The following ROR2 variants were observed in gnomAD, a reference collection of about 807,000 sequenced individuals.
ROR2 encodes the protein tyrosine-protein kinase transmembrane receptor ROR2.
Under a neutral mutation model 74.9 loss-of-function variants are expected in ROR2, and 33 were observed. The observed-to-expected ratio is 0.44, with a 90% CI of 0.33 to 0.59. ROR2 has a LOEUF of 0.59. Ranked by LOEUF, ROR2 falls within the 20% of genes least tolerant of loss-of-function variation. The pLI, the probability that ROR2 is intolerant of heterozygous loss-of-function variation, is 0.02. For missense variants in ROR2, 1,216 were observed against 1,313.8 expected, an observed-to-expected ratio of 0.93 and a Z score of 1.15; for synonymous variants, 586 against 558.7, an observed-to-expected ratio of 1.05 and a Z score of -0.69.
chr9:91,841,817 G>C (rs1439710498), intron 1 of ROR2, among the ~76,000 whole-genome samples: 1 of 152,192 alleles, frequency 6.6e-6, no homozygotes, highest in African/African-American at 2.4e-5. Flanking sequence ...CCTCTTCTTA[G>C]ACTGTTTCTT....
chr9:91,800,592 C>T (rs1398619065), intron 1 of ROR2, among the ~76,000 whole-genome samples: 1 of 152,128 alleles, frequency 6.6e-6, no homozygotes, highest in African/African-American at 2.4e-5. Flanking sequence ...ACTGAGCTTA[C>T]TGTATTAAAA....
intron 2 of ROR2, among the ~76,000 whole-genome samples, chr9:91,760,645 A>AG (rs1353456384): frequency 6.6e-6 from 1 of 151,902 alleles, no homozygotes; most frequent in East Asian, 1.9e-4. Context: ...AAAAAAAAAA[A>AG]AAAGAAAAGA....
At chr9:91,852,415 G>A (rs1293279059) in intron 1 of ROR2, among the ~76,000 whole-genome samples, 1 of 152,182 alleles carries the variant, frequency 6.6e-6, no homozygotes, top group Non-Finnish European at 1.5e-5. Context: ...CTGGAGACCA[G>A]CTTCATCTTT....
At chr9:91,839,253 T>TGG (rs1828706245) in intron 1 of ROR2, among the ~76,000 whole-genome samples, 1 of 34,260 alleles carries the variant, frequency 2.9e-5, no homozygotes, top group African/African-American at 9.3e-5. Flanking sequence ...AGATCGGGGG[T>TGG]GTGTGTGTGT....
intron 1 of ROR2, among the ~76,000 whole-genome samples, chr9:91,794,404 G>C (rs898001896): frequency 1.3e-5 from 2 of 152,198 alleles, no homozygotes; most frequent in East Asian, 3.9e-4. Context: ...AGACTCACCA[G>C]TAAGTAAAGC....
intron 1 of ROR2, among the ~76,000 whole-genome samples, chr9:91,864,121 T>A (rs1437946833): frequency 6.6e-6 from 1 of 152,208 alleles, no homozygotes; most frequent in Non-Finnish European, 1.5e-5. Context: ...AAGGGTCCCA[T>A]CCTTAACCTC....
chr9:91,796,436 GAAA>G (rs907750118), intron 1 of ROR2, among the ~76,000 whole-genome samples: 1 of 87,708 alleles, frequency 1.1e-5, no homozygotes. Context: ...TTGTCCCAAG[GAAA>G]AAAAAAAAAA....
chr9:91,790,672 G>A (rs368148736), intron 1 of ROR2, among the ~76,000 whole-genome samples: 1 of 152,118 alleles, frequency 6.6e-6, no homozygotes, highest in Non-Finnish European at 1.5e-5. Flanking sequence ...AACAGCCCCA[G>A]GCAGGTCCCT....
intron 1 of ROR2, among the ~76,000 whole-genome samples, chr9:91,879,465 A>G (rs528771596): frequency 2.8e-4 from 43 of 151,560 alleles, no homozygotes; most frequent in African/African-American, 1.0e-3. Flanking sequence ...TGGACACATG[A>G]AACAAAATTC....
chr9:91,825,974 C>T (rs1395022541), intron 1 of ROR2, among the ~76,000 whole-genome samples: 1 of 152,192 alleles, frequency 6.6e-6, no homozygotes, highest in Non-Finnish European at 1.5e-5. Flanking sequence ...TGTGGGTCTC[C>T]TCCTTTCTGG....
chr9:91,754,521 G>A (rs1005389868), intron 4 of ROR2, among the ~76,000 whole-genome samples: 7 of 152,040 alleles, frequency 4.6e-5, no homozygotes, highest in Non-Finnish European at 8.8e-5. Flanking sequence ...GCCGGGCATG[G>A]TGGTGCGCAT....
At chr9:91,800,688 G>A (rs1587731229) in intron 1 of ROR2, among the ~76,000 whole-genome samples, 1 of 152,236 alleles carries the variant, frequency 6.6e-6, no homozygotes, top group Non-Finnish European at 1.5e-5. Context: ...CCAGAGCACA[G>A]CACGTGGGCA....
intron 1 of ROR2, among the ~76,000 whole-genome samples, chr9:91,937,338 G>A (rs1166306457): frequency 1.3e-5 from 2 of 152,016 alleles, no homozygotes; most frequent in Non-Finnish European, 2.9e-5. Flanking sequence ...AAAGCGCAGA[G>A]ACTCCCCTCG....
At chr9:91,818,450 C>T (rs924754192) in intron 1 of ROR2, among the ~76,000 whole-genome samples, 1 of 144,934 alleles carries the variant, frequency 6.9e-6, no homozygotes, top group Non-Finnish European at 1.5e-5. Flanking sequence ...TCCCGCCCAC[C>T]ACGCCCCCCC....
intron 1 of ROR2, among the ~76,000 whole-genome samples, chr9:91,891,642 G>A (rs961278073): frequency 7.9e-5 from 12 of 152,296 alleles, no homozygotes; most frequent in Non-Finnish European, 1.6e-4. Flanking sequence ...TCCATATTCC[G>A]TTCCTTTTGG....
At chr9:91,732,786 A>C (rs1837291122) in intron 6 of ROR2, among the ~76,000 whole-genome samples, 1 of 152,208 alleles carries the variant, frequency 6.6e-6, no homozygotes, top group Admixed American at 6.5e-5. Context: ...TGCCCGCAAC[A>C]GCCATTTCCA....
chr9:91,913,043 C>T (rs1363198142), intron 1 of ROR2, among the ~76,000 whole-genome samples: 1 of 152,120 alleles, frequency 6.6e-6, no homozygotes, highest in Non-Finnish European at 1.5e-5. Context: ...GCAGGAGAAT[C>T]GCTTGAACCC....
chr9:91,811,876 TG>T (rs1230427682), intron 1 of ROR2, among the ~76,000 whole-genome samples: 1 of 152,208 alleles, frequency 6.6e-6, no homozygotes, highest in African/African-American at 2.4e-5. Flanking sequence ...CACTTTAAAA[TG>T]GGGCCTTGCT....
chr9:91,787,656 C>A (rs1826844965), intron 1 of ROR2, among the ~76,000 whole-genome samples: 1 of 152,096 alleles, frequency 6.6e-6, no homozygotes, highest in Non-Finnish European at 1.5e-5. Flanking sequence ...ACACCATCAA[C>A]CATCAAATAA....
Sources: gnomAD v4.1 joint callset for allele counts (sites outside exome capture counted in the v4.1 genomes callset) on GRCh38, gnomAD v4.1.1 for gene constraint, MANE v1.5 for transcripts, NCBI Gene and HGNC (gene_info 2026-07-23, HGNC 2026-07-21) for gene names.